Variants in SLC25A40 observed in about 807,000 individuals in gnomAD.
SLC25A40 encodes the protein solute carrier family 25 member 40, also known as mitochondrial glutathione transporter SLC25A40.
A neutral mutation model predicts 46.5 loss-of-function variants in SLC25A40; 41 were observed. That is an observed-to-expected ratio of 0.88 (90% confidence interval 0.69 to 1.14). SLC25A40 has a LOEUF of 1.14. SLC25A40 is among the 50% of genes most tolerant of loss of function. The pLI, the probability that SLC25A40 is intolerant of heterozygous loss-of-function variation, is 0.00. For missense variants in SLC25A40, 386 were observed against 393.6 expected (o/e 0.98, Z 0.16); for synonymous variants, 126 against 127.5 (o/e 0.99, Z 0.08).
At chr7:87,839,378 A>C (rs1218782826) in intron 10 of SLC25A40, among the ~76,000 whole-genome samples, 1 of 151,226 alleles carries the variant, frequency 6.6e-6, no homozygotes, top group Non-Finnish European at 1.5e-5. Flanking sequence ...AAATCTATTA[A>C]ATACTTAAAT....
Position 87,854,267 on chromosome 7 carries a change from A to G in SLC25A40, c.201T>C (p.Cys67=), listed in dbSNP as rs748627166. Residue 67 remains cysteine (C), a synonymous_variant, in exon 5 of 12, where the codon TGT becomes TGC. Transcript: ENST00000341119. ...GTTTGTTGCCTCCCTCTTCACAGAC[A>G]CATAGATGATCCATGAGTCCATTAC... The part of the protein sequence containing the change: ...VYSNGLMDHL[C]VCEEGGNKLW... 1.2e-6 allele frequency: 2 copies of G among 1,613,476 alleles called. No homozygotes were observed. The highest frequency in any genetic ancestry group is 1.7e-6 in the Non-Finnish European group (2 of 1,179,594).
intron 10 of SLC25A40, chr7:87,837,074 A>G (rs1343758505): frequency 1.5e-5 from 3 of 197,444 alleles, no homozygotes; most frequent in African/African-American, 6.9e-5. Flanking sequence ...TCCTGACTTG[A>G]TAATGCTTGT....
At chr7:87,856,513 T>G (rs1016853954) in intron 3 of SLC25A40, 162 bp from the exon 4 acceptor site, 19 of 699,682 alleles carry the variant, frequency 2.7e-5, no homozygotes, top group Non-Finnish European at 4.9e-5. Context: ...TTCTAATTTT[T>G]TTGCCCTTAA....
At chr7:87,852,979 T>C (rs1173539037) in intron 5 of SLC25A40, among the ~76,000 whole-genome samples, 1 of 152,174 alleles carries the variant, frequency 6.6e-6, no homozygotes, top group Non-Finnish European at 1.5e-5. Flanking sequence ...ATAAAAGATA[T>C]TAATAAATTG....
chr7:87,849,734 T>C (rs963896196), intron 6 of SLC25A40, 147 bp downstream of exon 6: 7 of 539,536 alleles, frequency 1.3e-5, no homozygotes, highest in African/African-American at 2.0e-5. Context: ...TCATCAAACA[T>C]GTGGGTGGCT....
In SLC25A40 at chr7:87,834,140, C is replaced by G. The variant is rs1028842023; in HGVS notation, c.*2109G>C. On this transcript the variant is annotated 3_prime_UTR_variant, in exon 12 of 12. Coordinates refer to ENST00000341119, the MANE Select transcript of SLC25A40 (RefSeq NM_018843.4). ...ATGTTTGCAAATATTGCAATTCCTG[C>G]AACATCATATGTATTGAAAAGTCTG... 1 of 151,778 alleles carries G rather than the reference C, an allele frequency of 6.6e-6. No homozygotes were observed. Among genetic ancestry groups the G allele is most frequent in the Non-Finnish European group, 1.5e-5 (1 of 67,876 alleles). The allele number at this position is 151,778 out of a possible 1,614,324, so 9.4% of individuals were successfully genotyped here. A position where few individuals can be genotyped will look rare whatever the true frequency, so the allele number is the denominator to read the frequency against.
intron 10 of SLC25A40, among the ~76,000 whole-genome samples, chr7:87,837,514 C>T (rs1472936228): frequency 1.3e-5 from 2 of 150,954 alleles, no homozygotes; most frequent in African/African-American, 2.4e-5. Context: ...AATAACATCT[C>T]GCTTATTTGC....
chr7:87,875,806 G>T (rs765309305), intron 1 of SLC25A40, among the ~76,000 whole-genome samples: 1 of 152,196 alleles, frequency 6.6e-6, no homozygotes, highest in Non-Finnish European at 1.5e-5. Flanking sequence ...TGGCGCTGCC[G>T]TCAAGGCCGG....
intron 5 of SLC25A40, among the ~76,000 whole-genome samples, chr7:87,851,178 C>T (rs541756357): frequency 6.6e-6 from 1 of 151,722 alleles, no homozygotes; most frequent in East Asian, 2.0e-4. Context: ...AGAAACAACC[C>T]AAATGTCTAT....
chr7:87,870,740 C>T (rs986131617), intron 1 of SLC25A40, among the ~76,000 whole-genome samples: 6 of 152,120 alleles, frequency 3.9e-5, no homozygotes, highest in African/African-American at 1.2e-4. Context: ...TGGGGACGGC[C>T]GGACCTTAGG....
rs571685417 is a variant in SLC25A40, at chr7:87,841,152, T to C, written c.823+481A>G. ...AACAAAATGTGTGTGTGTGTGTGTG[T>C]GTGTGTGTATATATATATATATATA... On this transcript the variant is annotated intron_variant, in intron 10 of 11. Transcript: ENST00000341119. 4.6e-4 allele frequency among the ~76,000 whole-genome samples: 68 copies of C among 148,516 alleles called. 1 individual carries two copies. Among genetic ancestry groups the C allele is most frequent in the African/African-American group, 1.6e-3 (65 of 40,278 alleles).
intron 1 of SLC25A40, among the ~76,000 whole-genome samples, chr7:87,865,783 A>G (rs1029122412): frequency 6.6e-6 from 1 of 151,994 alleles, no homozygotes; most frequent in Non-Finnish European, 1.5e-5. Flanking sequence ...GGGGGAAAAA[A>G]AAAGAATATT....
At chr7:87,871,327 C>A (rs530144873) in intron 1 of SLC25A40, among the ~76,000 whole-genome samples, 2 of 152,150 alleles carry the variant, frequency 1.3e-5, no homozygotes, top group Non-Finnish European at 2.9e-5. Context: ...CCCTTCAGAC[C>A]AACAAGCCAA....
At chr7:87,858,426 G>A (rs1460778283) in intron 3 of SLC25A40, among the ~76,000 whole-genome samples, 2 of 152,146 alleles carry the variant, frequency 1.3e-5, no homozygotes, top group Non-Finnish European at 2.9e-5. Context: ...TTGCAGCTCA[G>A]GTGGGCAATC....
At chr7:87,838,249 T>C (rs958581981) in intron 10 of SLC25A40, among the ~76,000 whole-genome samples, 2 of 151,506 alleles carry the variant, frequency 1.3e-5, no homozygotes, top group African/African-American at 4.8e-5. Context: ...GTTTAAATTA[T>C]TTCATTTAAA....
At chr7:87,875,046 A>C (rs1285960444) in intron 1 of SLC25A40, among the ~76,000 whole-genome samples, 1 of 152,190 alleles carries the variant, frequency 6.6e-6, no homozygotes, top group Non-Finnish European at 1.5e-5. Flanking sequence ...TTTTTCCCAT[A>C]GAAATTACAA....
chr7:87,873,423 G>A (rs1355128266), intron 1 of SLC25A40, among the ~76,000 whole-genome samples: 1 of 149,866 alleles, frequency 6.7e-6, no homozygotes, highest in African/African-American at 2.5e-5. Context: ...AGCATAGAAA[G>A]GTTAACTTTT....
At chr7:87,842,931 T>C (rs537552440) in intron 9 of SLC25A40, among the ~76,000 whole-genome samples, 1 of 152,222 alleles carries the variant, frequency 6.6e-6, no homozygotes, top group African/African-American at 2.4e-5. Context: ...AATAGACTTA[T>C]AATCCACTAG....
At chr7:87,869,503 T>C (rs534736940) in intron 1 of SLC25A40, among the ~76,000 whole-genome samples, 4 of 151,026 alleles carry the variant, frequency 2.6e-5, no homozygotes, top group South Asian at 2.1e-4. Flanking sequence ...CATGCCAGCC[T>C]GGGTGTCAAA....
Sources: allele counts gnomAD v4.1 joint callset (sites outside exome capture counted in the v4.1 genomes callset), GRCh38; gene constraint gnomAD v4.1.1; transcripts MANE v1.5; gene names NCBI Gene and HGNC (gene_info 2026-07-23, HGNC 2026-07-21).